Variants in ACOT2 observed in about 807,000 individuals in gnomAD.
The protein encoded by ACOT2 is acyl-CoA thioesterase 2, also known as acyl-coenzyme A thioesterase 2, mitochondrial.
Under a neutral mutation model 20.1 loss-of-function variants are expected in ACOT2, and 15 were observed. That is an observed-to-expected ratio of 0.75 (90% CI 0.50 to 1.15). ACOT2 has a LOEUF of 1.15. Ranked by LOEUF, ACOT2 falls within the 50% of genes most tolerant of loss-of-function variation. ACOT2 has a pLI of 0.00. For missense variants in ACOT2, 479 were observed against 615.3 expected (o/e 0.78, Z 2.34); for synonymous variants, 252 against 268.4 (o/e 0.94, Z 0.60).
chr14:73,569,272 A>C lies in ACOT2; in HGVS notation c.32A>C (p.His11Pro), dbSNP rs1889657043. The C allele has an allele frequency of 6.2e-7, 1 of 1,613,678 alleles. No homozygotes were observed. The highest frequency in any genetic ancestry group is 1.3e-5 in the African/African-American group (1 of 74,882). The change falls in exon 1 of 3, where the codon CAT becomes CCT. Residue 11 changes from histidine to proline, a missense_variant. Physicochemically the swap from His to Pro is moderately conservative, Grantham distance 77. Transcript: ENST00000238651. ...AACAAGCTTCTTTCTCCCCACCCCC[A>C]TTCAGTTGTTCTCAGGTCTGAATTC... MSNKLLSPHP[H>P]SVVLRSEFKM...
chr14:73,569,982 C>T, intron 1 of ACOT2, 99 bp downstream of exon 1: 8 of 1,450,690 alleles, frequency 5.5e-6, no homozygotes, highest in Non-Finnish European at 7.3e-6. Context: ...CCCCCCGCCG[C>T]GCCCCCGGGC....
upstream of ACOT2, chr14:73,567,869 G>C (rs893468483): frequency 6.6e-6 from 1 of 151,968 alleles, no homozygotes; most frequent in African/African-American, 2.4e-5. Context: ...TCTTGAAGTC[G>C]GTGAGAAGCG....
chr14:73,571,480 AGACTAGGGAAAAGCCTGGGCTTCAC>A (rs1889749074), intron 1 of ACOT2: 1 of 152,162 alleles, frequency 6.6e-6, no homozygotes, highest in African/African-American at 2.4e-5. Flanking sequence ...TTGGGCTTCA[AGACTAGGGAAAAGCCTGGGCTTCAC>A]ACCCGTGGGC....
intron 1 of ACOT2, 122 bp downstream of exon 1, chr14:73,570,005 G>A: frequency 2.1e-6 from 3 of 1,404,352 alleles, no homozygotes; most frequent in Non-Finnish European, 2.8e-6. Context: ...TATTGCCCAG[G>A]CAGGTTTCGA....
chr14:73,570,973 C>T (rs1450034926), intron 1 of ACOT2, among the ~76,000 whole-genome samples: 1 of 118,992 alleles, frequency 8.4e-6, no homozygotes, highest in East Asian at 2.5e-4. Context: ...GACTAGGAAG[C>T]CACTTTTTTT....
intron 2 of ACOT2, chr14:73,574,198 A>G (rs916403113): frequency 2.5e-5 from 4 of 158,736 alleles, no homozygotes; most frequent in East Asian, 1.9e-4. Flanking sequence ...ATTCAATTCT[A>G]TATTACTATA....
At chr14:73,571,830 C>T (rs1889758062) in intron 1 of ACOT2, among the ~76,000 whole-genome samples, 1 of 152,198 alleles carries the variant, frequency 6.6e-6, no homozygotes, top group South Asian at 2.1e-4. Flanking sequence ...TTAGCATTTA[C>T]AATAGGAAAA....
At chr14:73,569,108 C>G (rs1462374577), upstream of ACOT2, 12 of 1,080,370 alleles carry the variant, frequency 1.1e-5, no homozygotes, top group East Asian at 2.6e-4. Flanking sequence ...GGTTTCAACA[C>G]AGGAGACTTT....
intron 1 of ACOT2, 89 bp from the exon 2 acceptor site, chr14:73,573,299 C>A: frequency 6.3e-7 from 1 of 1,580,266 alleles, no homozygotes; most frequent in South Asian, 1.1e-5. Context: ...ATTGCTGGGT[C>A]ACATGTGTGG....
At chr14:73,574,416 C>A in intron 2 of ACOT2, 1 of 236,226 alleles carries the variant, frequency 4.2e-6, no homozygotes, top group Non-Finnish European at 8.4e-6. Flanking sequence ...AGGCACGTGC[C>A]ACTACTGCCC....
intron 2 of ACOT2, among the ~76,000 whole-genome samples, chr14:73,574,014 C>T (rs557139655): frequency 1.2e-3 from 175 of 149,182 alleles, no homozygotes; most frequent in African/African-American, 4.1e-3. Context: ...GCATGAGCCA[C>T]TATGCCCAGC....
intron 2 of ACOT2, chr14:73,574,229 T>A (rs1406426823): frequency 6.3e-6 from 1 of 158,570 alleles, no homozygotes; most frequent in Non-Finnish European, 1.4e-5. Flanking sequence ...GTAAAGAGAT[T>A]CGTAGTTGTT....
chr14:73,570,717 C>T (rs895627970), intron 1 of ACOT2, among the ~76,000 whole-genome samples: 1 of 151,704 alleles, frequency 6.6e-6, no homozygotes, highest in Admixed American at 6.6e-5. Flanking sequence ...CCAGCCTGGC[C>T]AACATGGTGA....
chr14:73,574,115 C>T (rs140884027), intron 2 of ACOT2, among the ~76,000 whole-genome samples: 3,086 of 151,890 alleles, frequency 0.02, 71 homozygotes, highest in South Asian at 0.082. Flanking sequence ...AAGTGATCTG[C>T]CCACCTTGGC....
In ACOT2 at chr14:73,573,397, C is replaced by G; in HGVS notation, c.653C>G (p.Pro218Arg). 6.2e-7 allele frequency: 1 copy of G among 1,613,508 alleles called. No homozygotes were observed. Among genetic ancestry groups the G allele is most frequent in the Non-Finnish European group, 8.5e-7 (1 of 1,179,664 alleles). Residue 218 changes from proline (P) to arginine (R), a missense_variant, in exon 2 of 3, where the codon CCC becomes CGC. Transcript: ENST00000238651. Reference sequence around the variant, plus strand: ...TTTGTTTCTTCCCAAGAACCTGGGCCCTTTCCTGGGATTGTGGACATGTTC... The same window carrying G: ...TTTGTTTCTTCCCAAGAACCTGGGCGCTTTCCTGGGATTGTGGACATGTTC... ...GTLFLPPEPG[P>R]FPGIVDMFGT... is the part of the protein sequence containing the mutation.
At chr14:73,574,839 G>A in intron 2 of ACOT2, 69 bp from the exon 3 acceptor site, 1 of 1,609,484 alleles carries the variant, frequency 6.2e-7, no homozygotes. Context: ...CTTCCAGGGT[G>A]GACACAACTC....
At position 73,569,218 on chromosome 14, in the gene ACOT2, G is replaced by A; in HGVS notation, c.-23G>A. On this transcript the variant is annotated 5_prime_UTR_variant, in exon 1 of 3. Coordinates refer to ENST00000238651, the MANE Select transcript of ACOT2 (RefSeq NM_006821.6). ...ACAGCTCTGCCCTAGTGGGCGCTTA[G>A]CCTGCGACGGCAGCCCGAGAGGATG... is the stretch of plus-strand genomic sequence containing the variant. 1.2e-6 allele frequency: 2 copies of A among 1,611,672 alleles called. No homozygotes were observed. Among genetic ancestry groups the A allele is most frequent in the Non-Finnish European group, 1.7e-6 (2 of 1,178,414 alleles).
At position 73,569,235 on chromosome 14, in the gene ACOT2, G is replaced by T; in HGVS notation, c.-6G>T. On this transcript the variant is annotated 5_prime_UTR_variant, in exon 1 of 3. Coordinates refer to ENST00000238651, the MANE Select transcript of ACOT2 (RefSeq NM_006821.6). ...GGCGCTTAGCCTGCGACGGCAGCCC[G>T]AGAGGATGTCTAACAAGCTTCTTTC... The T allele has an allele frequency of 6.2e-7, 1 of 1,612,960 alleles. No individual in the cohort carries two copies.
chr14:73,570,976 C>T lies in ACOT2; in HGVS notation c.643+1093C>T, dbSNP rs56384289. Among the ~76,000 whole-genome samples the T allele has an allele frequency of 7.9e-3, 588 of 74,332 alleles. 6 individuals carry two copies. Among genetic ancestry groups the T allele is most frequent in the Middle Eastern group, 0.026 (4 of 152 alleles). 48.8% of individuals were successfully genotyped at this position (74,332 alleles called of 152,430 possible). A position where few individuals can be genotyped will look rare whatever the true frequency, so the allele number is the denominator to read the frequency against. On this transcript the variant is annotated intron_variant, in intron 1 of 2. Coordinates refer to ENST00000238651, the MANE Select transcript of ACOT2 (RefSeq NM_006821.6). Reference sequence around the variant, plus strand: ...TATTTATGTATTGACTAGGAAGCCACTTTTTTTTTTTTTTAAATAAGAATT... The same window carrying T: ...TATTTATGTATTGACTAGGAAGCCATTTTTTTTTTTTTTTAAATAAGAATT...
Sources: allele counts gnomAD v4.1 joint callset (sites outside exome capture counted in the v4.1 genomes callset), GRCh38; gene constraint gnomAD v4.1.1; transcripts MANE v1.5; gene names NCBI Gene and HGNC (gene_info 2026-07-23, HGNC 2026-07-21).